The following ICE1 variants were observed in gnomAD, a reference collection of about 807,000 sequenced individuals.
ICE1 encodes interactor of little elongation complex ELL subunit 1.
Under a neutral mutation model 192.7 loss-of-function variants are expected in ICE1, and 64 were observed. The ratio of observed to expected loss-of-function variants is 0.33; its 90% CI spans 0.27 to 0.41. ICE1 has a LOEUF of 0.41. Ranked by LOEUF, ICE1 falls within the 10% of genes least tolerant of loss-of-function variation. ICE1 has a pLI of 1.00. For synonymous variants in ICE1, 1,010 were observed against 984.5 expected, an observed-to-expected ratio of 1.03 and a Z score of -0.49; for missense variants, 2,708 against 2,696.0, an observed-to-expected ratio of 1.00 and a Z score of -0.10.
At chr5:5,454,748 T>G (rs1268321059) in intron 11 of ICE1, 110 bp downstream of exon 11, 1 of 678,272 alleles carries the variant, frequency 1.5e-6, no homozygotes, top group Non-Finnish European at 2.5e-6. Flanking sequence ...ATTGAAAGAA[T>G]GAAGTAAACT....
chr5:5,435,675 TTTGTTTTTG>T (rs1561074317), intron 1 of ICE1, among the ~76,000 whole-genome samples: 2 of 62,898 alleles, frequency 3.2e-5, no homozygotes, highest in Non-Finnish European at 6.6e-5. Flanking sequence ...TTTTTTTTGT[TTTGTTTTTG>T]TTTTTTTTTT....
Position 5,463,032 on chromosome 5 carries a change from A to G in ICE1, c.3698A>G (p.Glu1233Gly), listed in dbSNP as rs757269573. The change falls in exon 13 of 19, where the codon GAA becomes GGA. Residue 1233 changes from glutamate (E) to glycine (G), a missense_variant. By Grantham distance (98) the Glu-to-Gly change is moderately conservative. This residue lies in a region of ICE1 where 2,366 missense variants were observed against 2,276.6 expected (regional missense o/e 1.04). Transcript: ENST00000296564. ...GAGGAAGAAACACTTGGAACCTGTG[A>G]AGAGTGGATTGAATCAGAGGAAGAT... Reference protein sequence around the residue: ...PCEEETLGTCEEWIESEEDDY... With the variant: ...PCEEETLGTCGEWIESEEDDY... The G allele has an allele frequency of 6.2e-7, 1 of 1,613,904 alleles. No individual in the cohort carries two copies. Among genetic ancestry groups the G allele is most frequent in the South Asian group, 1.1e-5 (1 of 91,030 alleles).
chr5:5,468,454 CA>C (rs1739056900), intron 14 of ICE1, among the ~76,000 whole-genome samples: 1 of 152,112 alleles, frequency 6.6e-6, no homozygotes, highest in Non-Finnish European at 1.5e-5. Flanking sequence ...GTATTTACAA[CA>C]AAAGAATTGT....
At position 5,461,679 on chromosome 5, in the gene ICE1, G is replaced by T. The variant is rs767432965; in HGVS notation, c.2345G>T (p.Gly782Val). 4.3e-6 allele frequency: 7 copies of T among 1,613,850 alleles called. No individual in the cohort carries two copies. The highest frequency in any genetic ancestry group is 5.1e-6 in the Non-Finnish European group (6 of 1,179,866). The change falls in exon 13 of 19, where the codon GGT becomes GTT. Residue 782 changes from glycine (G) to valine (V), a missense_variant. By Grantham distance (109) the Gly-to-Val change is moderately radical (BLOSUM62 -3). This residue lies in a region of ICE1 where 2,366 missense variants were observed against 2,276.6 expected (regional missense o/e 1.04). Coordinates refer to ENST00000296564, the MANE Select transcript of ICE1 (RefSeq NM_015325.3). ...IGSQAALIKS[G>V]LGFVKSTSWH... ...TCTCAGGCTGCCTTGATCAAGAGTG[G>T]TTTGGGTTTTGTTAAAAGTACTTCA...
intron 17 of ICE1, among the ~76,000 whole-genome samples, chr5:5,476,317 C>G (rs1739311055): frequency 6.6e-6 from 1 of 152,052 alleles, no homozygotes; most frequent in African/African-American, 2.4e-5. Flanking sequence ...TACAATTGAG[C>G]TCTTTTTAGA....
chr5:5,460,886 G>A lies in ICE1; in HGVS notation c.1552G>A (p.Ala518Thr). The A allele has an allele frequency of 1.2e-6, 2 of 1,614,006 alleles. No homozygotes were observed. The highest frequency in any genetic ancestry group is 1.1e-5 in the South Asian group (1 of 91,090). ...CATTGAGAGATTGTCTGCCAGCCCT[G>A]CACAAGAGAAGGAAGCTGCCCCTGG... ...LCIERLSASPAQEKEAAPGKS... is the reference protein window; with the variant it reads ...LCIERLSASPTQEKEAAPGKS... The change falls in exon 13 of 19, where the codon GCA becomes ACA. Residue 518 changes from alanine (A) to threonine (T), a missense_variant. Physicochemically the swap from Ala to Thr is moderately conservative, Grantham distance 58. Around this residue, in one of 2 missense-constraint regions of ICE1, gnomAD observed 2,366 missense variants for 2,276.6 expected, o/e 1.04. Transcript: ENST00000296564.
intron 13 of ICE1, 124 bp downstream of exon 13, chr5:5,465,350 T>G: frequency 1.5e-6 from 1 of 657,088 alleles, no homozygotes; most frequent in Non-Finnish European, 2.6e-6. Flanking sequence ...ATGAGAGTTA[T>G]CCATGTAAAC....
intron 7 of ICE1, among the ~76,000 whole-genome samples, chr5:5,444,727 A>G (rs1322217764): frequency 6.6e-6 from 1 of 152,196 alleles, no homozygotes; most frequent in African/African-American, 2.4e-5. Context: ...TTAGATAGTT[A>G]TAACACACAT....
chr5:5,469,104 T>C, intron 15 of ICE1, 116 bp downstream of exon 15: 1 of 708,966 alleles, frequency 1.4e-6, no homozygotes, highest in Non-Finnish European at 2.1e-6. Context: ...TCTTTCTAGA[T>C]CTTTTAAAAT....
intron 16 of ICE1, among the ~76,000 whole-genome samples, chr5:5,474,970 A>T (rs770195161): frequency 6.0e-4 from 92 of 152,352 alleles, no homozygotes; most frequent in Admixed American, 2.3e-3. Flanking sequence ...CTATGTATTG[A>T]CATGGAAAAG....
At chr5:5,427,917 G>A (rs926042871) in intron 1 of ICE1, among the ~76,000 whole-genome samples, 1 of 152,148 alleles carries the variant, frequency 6.6e-6, no homozygotes, top group South Asian at 2.1e-4. Flanking sequence ...TACTCTGGGA[G>A]CATGTAGGAG....
At position 5,461,280 on chromosome 5, in the gene ICE1, C is replaced by T; in HGVS notation, c.1946C>T (p.Ser649Phe). Residue 649 changes from serine (S) to phenylalanine (F), a missense_variant, in exon 13 of 19, where the codon TCT (serine) becomes TTT (phenylalanine). Physicochemically the swap from Ser to Phe is radical, Grantham distance 155 (BLOSUM62 -2). This residue lies in a region of ICE1 where 2,366 missense variants were observed against 2,276.6 expected (regional missense o/e 1.04). Transcript: ENST00000296564. ...GTTGGCAGTAATCCCCAGTCTTCTT[C>T]TGGGTTAGACTGTGGTAATGATACA... ...LSVGSNPQSS[S>F]GLDCGNDTDI... 2 of 1,613,942 alleles carry T rather than the reference C, an allele frequency of 1.2e-6. No homozygotes were observed. Among genetic ancestry groups the T allele is most frequent in the Non-Finnish European group, 1.7e-6 (2 of 1,179,864 alleles).
chr5:5,461,531 A>G lies in ICE1; in HGVS notation c.2197A>G (p.Thr733Ala), dbSNP rs1376937375. Residue 733 changes from threonine to alanine, a missense_variant, in exon 13 of 19, where the codon ACC becomes GCC. Around this residue, in one of 2 missense-constraint regions of ICE1, gnomAD observed 2,366 missense variants for 2,276.6 expected, o/e 1.04. Coordinates refer to ENST00000296564, the MANE Select transcript of ICE1 (RefSeq NM_015325.3). ...ATATACAAAAGTAGTAAAAGGCTTG[A>G]CCAAAATACATTCACTTCCTCGGTC... ...IEYTKVVKGLTKIHSLPRSVF... is the reference protein window; with the variant it reads ...IEYTKVVKGLAKIHSLPRSVF... 4 of 1,613,260 alleles carry G rather than the reference A, an allele frequency of 2.5e-6. No individual in the cohort carries two copies. Among genetic ancestry groups the G allele is most frequent in the East Asian group, 4.5e-5 (2 of 44,874 alleles).
intron 14 of ICE1, 62 bp downstream of exon 14, chr5:5,466,564 G>A: frequency 7.5e-7 from 1 of 1,336,472 alleles, no homozygotes. Context: ...CCCTTATACT[G>A]GAGTCTATAT....
chr5:5,489,888 A>G lies in ICE1; in HGVS notation c.*558A>G, dbSNP rs912584218. 6.6e-6 allele frequency: 1 copy of G among 152,232 alleles called. No homozygotes were observed. Among genetic ancestry groups the G allele is most frequent in the Non-Finnish European group, 1.5e-5 (1 of 68,048 alleles). The allele number at this position is 152,232 out of a possible 1,614,324, so 9.4% of individuals were successfully genotyped here. A position where few individuals can be genotyped will look rare whatever the true frequency, so the allele number is the denominator to read the frequency against. On this transcript the variant is annotated 3_prime_UTR_variant, in exon 19 of 19. Coordinates refer to ENST00000296564, the MANE Select transcript of ICE1 (RefSeq NM_015325.3). ...CCTTAGCAGAAACCCACTTTAATGC[A>G]TTTTCTTCATATCCCTAAAGTTCCT...
intron 1 of ICE1, among the ~76,000 whole-genome samples, chr5:5,436,119 A>T (rs1393697520): frequency 6.6e-6 from 1 of 152,150 alleles, no homozygotes; most frequent in Admixed American, 6.5e-5. Context: ...GTAAAGATTG[A>T]TGATTAATAG....
rs543389743 is a variant in ICE1 at position 5,457,004 on chromosome 5, T to C, written c.692-328T>C. ...TCTCTGCCAGATTCTGCTGTTTGTA[T>C]GGGAGGATTCATCCAGAGACCGAGT... On this transcript the variant is annotated intron_variant, in intron 11 of 18. Transcript: ENST00000296564. Among the ~76,000 whole-genome samples the C allele has an allele frequency of 2.4e-4, 37 of 152,250 alleles. No individual in the cohort carries two copies. The East Asian group carries it at 6.4e-3, about 26-fold the overall frequency.
intron 7 of ICE1, among the ~76,000 whole-genome samples, chr5:5,446,438 C>T (rs535717964): frequency 8.6e-5 from 13 of 151,618 alleles, no homozygotes; most frequent in African/African-American, 3.1e-4. Flanking sequence ...TACAGGTGTG[C>T]ACCACGACAC....
chr5:5,484,407 C>T (rs1394960427), intron 17 of ICE1, among the ~76,000 whole-genome samples: 5 of 152,184 alleles, frequency 3.3e-5, no homozygotes, highest in Non-Finnish European at 7.3e-5. Flanking sequence ...CCTTTCTCTG[C>T]TGTTAGTCAT....
Sources: allele counts gnomAD v4.1 joint callset (sites outside exome capture counted in the v4.1 genomes callset), GRCh38; gene constraint gnomAD v4.1.1; regional missense constraint gnomAD v4.1.1; transcripts MANE v1.5; gene names NCBI Gene and HGNC (gene_info 2026-07-23, HGNC 2026-07-21).